ZNF618: variants seen among roughly 807,000 people sequenced by gnomAD.
ZNF618 encodes the protein neural precursor cell expressed, developmentally down-regulated 10.
Under a neutral mutation model 103.0 loss-of-function variants are expected in ZNF618, and 34 were observed. That is an observed-to-expected ratio of 0.33 (90% CI 0.25 to 0.44). ZNF618 has a LOEUF of 0.44. Ranked by LOEUF, ZNF618 falls within the 20% of genes least tolerant of loss-of-function variation. The pLI, the probability that ZNF618 is intolerant of heterozygous loss-of-function variation, is 1.00. For missense variants in ZNF618, 1,059 were observed against 1,295.4 expected, an observed-to-expected ratio of 0.82 and a Z score of 2.80; for synonymous variants, 551 against 542.2, an observed-to-expected ratio of 1.02 and a Z score of -0.23.
At chr9:113,961,615 A>G (rs1384364990) in intron 1 of ZNF618, among the ~76,000 whole-genome samples, 1 of 152,226 alleles carries the variant, frequency 6.6e-6, no homozygotes, top group South Asian at 2.1e-4. Context: ...TACCGTGTTC[A>G]GTTGGGAAAG....
In ZNF618 at chr9:114,049,251, A is replaced by G; in HGVS notation, c.1949A>G (p.Lys650Arg). Reference protein sequence around the residue: ...LNSVVQSVLSKRTLQARSMHE... With the variant: ...LNSVVQSVLSRRTLQARSMHE... ...TCGGTGGTGCAGAGCGTGCTGAGCA[A>G]GCGGACACTGCAGGCCCGCAGCATG... The change falls in exon 15 of 15, where the codon AAG (lysine) becomes AGG (arginine). Residue 650 changes from lysine (K) to arginine (R), a missense_variant. Around this residue, in one of 6 missense-constraint regions of ZNF618, gnomAD observed 272 missense variants for 380.1 expected, o/e 0.72. Coordinates refer to ENST00000374126, the MANE Select transcript of ZNF618 (RefSeq NM_001318042.2). 3 of 1,613,046 alleles carry G rather than the reference A, an allele frequency of 1.9e-6. No individual in the cohort carries two copies. Among genetic ancestry groups the G allele is most frequent in the Non-Finnish European group, 8.5e-7 (1 of 1,179,678 alleles).
intron 1 of ZNF618, among the ~76,000 whole-genome samples, chr9:113,940,929 A>C (rs1834490771): frequency 2.6e-5 from 4 of 152,088 alleles, no homozygotes; most frequent in African/African-American, 9.7e-5. Context: ...TTCTCGTTTA[A>C]GTGTCAGTTT....
intron 13 of ZNF618, among the ~76,000 whole-genome samples, chr9:114,039,340 G>GTTTT (rs968810244): frequency 1.2e-4 from 13 of 104,710 alleles, no homozygotes; most frequent in Non-Finnish European, 1.7e-4. Flanking sequence ...TTTCTTGTTT[G>GTTTT]TTTTTTTTTT....
chr9:113,904,217 A>C (rs1306625242), intron 1 of ZNF618, among the ~76,000 whole-genome samples: 1 of 146,130 alleles, frequency 6.8e-6, no homozygotes, highest in Non-Finnish European at 1.5e-5. Flanking sequence ...AATACTACCC[A>C]GTGTATTTTT....
At chr9:114,011,206 T>A (rs989122371) in intron 9 of ZNF618, among the ~76,000 whole-genome samples, 1 of 152,212 alleles carries the variant, frequency 6.6e-6, no homozygotes, top group Non-Finnish European at 1.5e-5. Context: ...CTGATGACAA[T>A]AAAACTCACC....
chr9:113,989,576 C>T (rs914440044), intron 3 of ZNF618, among the ~76,000 whole-genome samples: 1 of 152,184 alleles, frequency 6.6e-6, no homozygotes, highest in Non-Finnish European at 1.5e-5. Context: ...CTCCATGTTT[C>T]CAAGGCTCAG....
intron 10 of ZNF618, among the ~76,000 whole-genome samples, chr9:114,025,463 A>C (rs909374812): frequency 3.9e-5 from 6 of 152,222 alleles, no homozygotes; most frequent in African/African-American, 1.4e-4. Context: ...GTTATTTTTT[A>C]GATATCTCTT....
chr9:113,936,102 G>C (rs112036722), intron 1 of ZNF618, among the ~76,000 whole-genome samples: 2,406 of 152,084 alleles, frequency 0.016, 41 homozygotes, highest in South Asian at 0.053. Flanking sequence ...TTATAGGCTC[G>C]AGCCTCCATG....
At chr9:113,903,244 T>A (rs934867049) in intron 1 of ZNF618, among the ~76,000 whole-genome samples, 1 of 152,202 alleles carries the variant, frequency 6.6e-6, no homozygotes, top group Non-Finnish European at 1.5e-5. Flanking sequence ...CAGAAATAAG[T>A]GGAATGAAGA....
intron 10 of ZNF618, among the ~76,000 whole-genome samples, chr9:114,025,538 A>G (rs146436119): frequency 0.016 from 2,452 of 152,286 alleles, 36 homozygotes; most frequent in Non-Finnish European, 0.028. Context: ...AGACTCTTTC[A>G]TGCTTTCTCA....
chr9:113,945,104 C>T (rs146874457), intron 1 of ZNF618, among the ~76,000 whole-genome samples: 15 of 152,274 alleles, frequency 9.9e-5, no homozygotes, highest in African/African-American at 3.6e-4. Context: ...TGTCTCCCTA[C>T]CTCACTCTGT....
At chr9:114,009,323 G>A (rs1396718346) in intron 9 of ZNF618, among the ~76,000 whole-genome samples, 2 of 152,198 alleles carry the variant, frequency 1.3e-5, no homozygotes, top group Non-Finnish European at 2.9e-5. Flanking sequence ...AGGCTGGAGA[G>A]CCCTGCTGGT....
chr9:113,916,545 G>C (rs1283225178), intron 1 of ZNF618, among the ~76,000 whole-genome samples: 1 of 152,192 alleles, frequency 6.6e-6, no homozygotes, highest in Non-Finnish European at 1.5e-5. Context: ...AAAGGGAAGG[G>C]CACTGAAGGT....
intron 1 of ZNF618, among the ~76,000 whole-genome samples, chr9:113,925,482 T>G (rs1833011903): frequency 6.6e-6 from 1 of 151,844 alleles, no homozygotes; most frequent in African/African-American, 2.4e-5. Context: ...ATCTCTGTCT[T>G]TTTATTGGCA....
At chr9:113,987,159 C>T (rs1345071290) in intron 2 of ZNF618, among the ~76,000 whole-genome samples, 1 of 152,188 alleles carries the variant, frequency 6.6e-6, no homozygotes, top group East Asian at 1.9e-4. Context: ...TATGTGCAAG[C>T]CTCAGCTTCC....
chr9:113,932,601 T>C (rs1348925869), intron 1 of ZNF618, among the ~76,000 whole-genome samples: 1 of 152,048 alleles, frequency 6.6e-6, no homozygotes, highest in Non-Finnish European at 1.5e-5. Flanking sequence ...AGAGGCTACG[T>C]TGAATGAATG....
intron 1 of ZNF618, among the ~76,000 whole-genome samples, chr9:113,890,623 T>C (rs529840740): frequency 6.6e-6 from 1 of 152,338 alleles, no homozygotes; most frequent in East Asian, 1.9e-4. Flanking sequence ...TTAACATCAC[T>C]GTTTGGAAAG....
At chr9:114,033,249 A>G (rs544263734) in intron 12 of ZNF618, among the ~76,000 whole-genome samples, 1 of 152,210 alleles carries the variant, frequency 6.6e-6, no homozygotes, top group East Asian at 1.9e-4. Flanking sequence ...ATCTCTACTA[A>G]AAATACAGTA....
At chr9:113,971,608 G>A (rs890681435) in intron 2 of ZNF618, among the ~76,000 whole-genome samples, 31 of 152,282 alleles carry the variant, frequency 2.0e-4, no homozygotes, top group Admixed American at 7.2e-4. Flanking sequence ...GTGGGAATGC[G>A]GTCTGCCCTC....
Sources: gnomAD v4.1 joint callset for allele counts (sites outside exome capture counted in the v4.1 genomes callset) on GRCh38, gnomAD v4.1.1 for gene constraint, gnomAD v4.1.1 regional missense constraint, MANE v1.5 for transcripts, NCBI Gene and HGNC (gene_info 2026-07-23, HGNC 2026-07-21) for gene names.